Variants in CCSER1 observed in about 807,000 individuals in gnomAD.
CCSER1 encodes the protein coiled-coil serine rich protein 1.
Under a neutral mutation model 82.0 loss-of-function variants are expected in CCSER1, and 41 were observed. The ratio of observed to expected loss-of-function variants is 0.50; its 90% CI spans 0.39 to 0.65. CCSER1 has a LOEUF of 0.65. CCSER1 is among the 30% of genes least tolerant of loss of function. The pLI, the probability that CCSER1 is intolerant of heterozygous loss-of-function variation, is 0.00. For missense variants in CCSER1, 1,119 were observed against 1,064.2 expected, an observed-to-expected ratio of 1.05 and a Z score of -0.72; for synonymous variants, 414 against 383.9, an observed-to-expected ratio of 1.08 and a Z score of -0.92.
intron 7 of CCSER1, among the ~76,000 whole-genome samples, chr4:90,792,484 A>C (rs1755393797): frequency 6.6e-6 from 1 of 152,172 alleles, no homozygotes. Flanking sequence ...TCTGAAATGT[A>C]CAGGGCCCCA....
chr4:90,950,869 C>T (rs1732835707), intron 9 of CCSER1, among the ~76,000 whole-genome samples: 1 of 152,044 alleles, frequency 6.6e-6, no homozygotes. Flanking sequence ...CTTTTAGAGA[C>T]CTATATGTTA....
At chr4:90,218,981 G>GT (rs1198226352) in intron 1 of CCSER1, among the ~76,000 whole-genome samples, 1 of 152,162 alleles carries the variant, frequency 6.6e-6, no homozygotes, top group Non-Finnish European at 1.5e-5. Flanking sequence ...TTTACGCCCT[G>GT]TGAAAGGGTT....
At chr4:90,845,292 G>A (rs190568708) in intron 8 of CCSER1, among the ~76,000 whole-genome samples, 1 of 151,022 alleles carries the variant, frequency 6.6e-6, no homozygotes, top group East Asian at 1.9e-4. Context: ...AACCTGGGAG[G>A]CAGAGGTTGC....
chr4:90,724,308 C>T (rs1042417833), intron 7 of CCSER1, among the ~76,000 whole-genome samples: 7 of 151,582 alleles, frequency 4.6e-5, no homozygotes, highest in Admixed American at 4.0e-4. Context: ...TAATATAAGT[C>T]ATAGGGGAAA....
intron 1 of CCSER1, among the ~76,000 whole-genome samples, chr4:90,183,661 G>A (rs904868297): frequency 2.0e-5 from 3 of 152,218 alleles, no homozygotes; most frequent in African/African-American, 7.2e-5. Flanking sequence ...AGTCTGACTT[G>A]AGCTTTTTCT....
At chr4:90,661,580 A>G (rs1192883918) in intron 6 of CCSER1, among the ~76,000 whole-genome samples, 6 of 152,202 alleles carry the variant, frequency 3.9e-5, no homozygotes, top group Admixed American at 2.6e-4. Context: ...ATAGTGTGAG[A>G]TGATTTATGT....
At chr4:90,637,279 C>G (rs1354046009) in intron 6 of CCSER1, among the ~76,000 whole-genome samples, 1 of 152,126 alleles carries the variant, frequency 6.6e-6, no homozygotes, top group African/African-American at 2.4e-5. Context: ...CAGTTCCTTA[C>G]CATGTAGCCT....
intron 3 of CCSER1, among the ~76,000 whole-genome samples, chr4:90,396,500 A>C (rs1751978181): frequency 1.3e-5 from 2 of 152,206 alleles, no homozygotes; most frequent in Non-Finnish European, 2.9e-5. Flanking sequence ...CTGTAAAACC[A>C]ATATAAATTA....
intron 10 of CCSER1, among the ~76,000 whole-genome samples, chr4:91,107,109 A>G (rs948657488): frequency 3.3e-5 from 5 of 152,196 alleles, no homozygotes; most frequent in African/African-American, 1.2e-4. Flanking sequence ...TGTCTACAGT[A>G]TTGAGTCTAA....
chr4:91,525,801 T>TA (rs1244250802), intron 10 of CCSER1, among the ~76,000 whole-genome samples: 9 of 152,220 alleles, frequency 5.9e-5, no homozygotes, highest in Middle Eastern at 6.8e-3. Context: ...TTTGATACTG[T>TA]AAACCAACAC....
intron 1 of CCSER1, among the ~76,000 whole-genome samples, chr4:90,234,666 G>T (rs1745425061): frequency 6.6e-6 from 1 of 152,072 alleles, no homozygotes. Context: ...CCTATTATCT[G>T]ACAGATACTC....
At chr4:91,070,169 T>A (rs1266788318) in intron 9 of CCSER1, among the ~76,000 whole-genome samples, 2 of 151,996 alleles carry the variant, frequency 1.3e-5, no homozygotes, top group African/African-American at 2.4e-5. Flanking sequence ...GTATTTTTAG[T>A]AGAGATGGGG....
At chr4:90,307,772 T>A (rs1734578886) in intron 1 of CCSER1, among the ~76,000 whole-genome samples, 1 of 152,184 alleles carries the variant, frequency 6.6e-6, no homozygotes, top group Non-Finnish European at 1.5e-5. Flanking sequence ...CAGTAACTTG[T>A]TGAGTCGTGT....
chr4:90,844,069 T>C (rs564594975), intron 8 of CCSER1, among the ~76,000 whole-genome samples: 16 of 152,056 alleles, frequency 1.1e-4, no homozygotes, highest in Non-Finnish European at 2.4e-4. Flanking sequence ...TTATAAATTG[T>C]ACCACCATTC....
At chr4:91,563,482 A>G (rs1346415095) in intron 10 of CCSER1, among the ~76,000 whole-genome samples, 2 of 151,780 alleles carry the variant, frequency 1.3e-5, no homozygotes, top group Non-Finnish European at 2.9e-5. Flanking sequence ...ACATCCTTTC[A>G]TGATCAAAAC....
rs565213130 is a variant in CCSER1, at chr4:90,223,049, G to A, written c.-41-85195G>A. ...CATCCATCACCACAGTCAAGATGCTGAACAGTTCCAGCACCACAAGGGTTC... is the reference window on the plus strand; with the variant it reads ...CATCCATCACCACAGTCAAGATGCTAAACAGTTCCAGCACCACAAGGGTTC... On this transcript the variant is annotated intron_variant, in intron 1 of 10. Transcript: ENST00000509176. Among the ~76,000 whole-genome samples the A allele has an allele frequency of 2.0e-5, 3 of 152,278 alleles. No individual in the cohort carries two copies. The South Asian group carries it at 6.2e-4, about 32-fold the overall frequency.
intron 5 of CCSER1, among the ~76,000 whole-genome samples, chr4:90,548,006 A>G (rs1215239898): frequency 6.6e-6 from 1 of 152,144 alleles, no homozygotes; most frequent in Non-Finnish European, 1.5e-5. Context: ...TTTAGCTAAA[A>G]TTTTACTCAA....
intron 5 of CCSER1, among the ~76,000 whole-genome samples, chr4:90,544,032 G>A (rs760666585): frequency 2.6e-5 from 4 of 152,062 alleles, no homozygotes; most frequent in South Asian, 2.1e-4. Context: ...AGCAGCAGTC[G>A]AAGTAACATT....
At chr4:91,581,304 A>C (rs1413873085) in intron 10 of CCSER1, among the ~76,000 whole-genome samples, 1 of 151,744 alleles carries the variant, frequency 6.6e-6, no homozygotes, top group Non-Finnish European at 1.5e-5. Flanking sequence ...GTTTTATTTC[A>C]TATACACGTT....
Sources: allele counts gnomAD v4.1 joint callset (sites outside exome capture counted in the v4.1 genomes callset), GRCh38; gene constraint gnomAD v4.1.1; transcripts MANE v1.5; gene names NCBI Gene and HGNC (gene_info 2026-07-23, HGNC 2026-07-21).